VWA8: variants seen among roughly 807,000 people sequenced by gnomAD.
The protein encoded by VWA8 is von Willebrand factor A domain containing 8, also known as von Willebrand factor A domain-containing protein 8.
In VWA8, 221 loss-of-function variants were observed where a neutral mutation model predicts 241.5. The ratio of observed to expected loss-of-function variants is 0.91; its 90% confidence interval spans 0.82 to 1.02. The LOEUF is 1.02. VWA8 is among the 50% of genes least tolerant of loss of function. The probability of loss-of-function intolerance (pLI) is 0.00; values close to 1 mark genes in which losing one functional copy is unlikely to be tolerated. For synonymous variants in VWA8, 852 were observed against 827.1 expected, an observed-to-expected ratio of 1.03 and a Z score of -0.52; for missense variants, 2,322 against 2,328.7, an observed-to-expected ratio of 1.00 and a Z score of 0.06.
At chr13:41,811,395 C>A in intron 16 of VWA8, 55 bp from the exon 17 acceptor site, 1 of 1,401,928 alleles carries the variant, frequency 7.1e-7, no homozygotes, top group Non-Finnish European at 1.0e-6. Flanking sequence ...TGCTAAAGTC[C>A]CTTTAGATGG....
At chr13:41,661,975 G>T (rs1262625840) in intron 37 of VWA8, among the ~76,000 whole-genome samples, 1 of 151,998 alleles carries the variant, frequency 6.6e-6, no homozygotes, top group Non-Finnish European at 1.5e-5. Context: ...GTCTAATTTT[G>T]GACAGTCTAT....
At chr13:41,590,389 C>T (rs919504918) in intron 41 of VWA8, among the ~76,000 whole-genome samples, 5 of 152,054 alleles carry the variant, frequency 3.3e-5, no homozygotes, top group South Asian at 2.1e-4. Context: ...AGTCTTTGTA[C>T]TGACTGTTTC....
rs1171787775 is a variant in VWA8, at chr13:41,881,382, G to C, written c.1080+2005C>G. 2.4e-4 allele frequency among the ~76,000 whole-genome samples: 14 copies of C among 57,264 alleles called. 1 individual carries two copies. The highest frequency in any genetic ancestry group is 7.9e-4 in the South Asian group (1 of 1,260). 37.6% of individuals were successfully genotyped at this position (57,264 alleles called of 152,430 possible). Reference sequence around the variant, plus strand: ...ATAGTTTTTTTTTGCCGGGGGGGGGGGGGGGGGGGTAAGGTCACAGATCAA... The same window carrying C: ...ATAGTTTTTTTTTGCCGGGGGGGGGCGGGGGGGGGTAAGGTCACAGATCAA... On this transcript the variant is annotated intron_variant, in intron 9 of 44. Coordinates refer to ENST00000379310, the MANE Select transcript of VWA8 (RefSeq NM_015058.2).
rs780827689 is a variant in VWA8 at position 41,699,057 on chromosome 13, C to G, written c.3564+14G>C. 23 of 1,613,666 alleles carry G rather than the reference C, an allele frequency of 1.4e-5. No individual in the cohort carries two copies. Among genetic ancestry groups the G allele is most frequent in the East Asian group, 2.2e-5 (1 of 44,884 alleles). On this transcript the variant is annotated intron_variant, in intron 29 of 44. Transcript: ENST00000379310. ...AAGTCATTCCTCACATAATTGTAGC[C>G]TGGTGTGCATTACCTGCTGCTCATG...
Position 41,926,613 on chromosome 13 carries a change from C to A in VWA8, c.242-14445G>T. ...ACCTGCGAGTTCTATATGGCCTATG[C>A]AGACTACCACAATCTCTTGGAAATC... is the stretch of plus-strand genomic sequence containing the variant. On this transcript the variant is annotated intron_variant, in intron 2 of 44. Transcript: ENST00000379310. 5.5e-6 allele frequency: 3 copies of A among 546,030 alleles called. No individual in the cohort carries two copies. The Admixed American group carries it at 5.8e-5, about 11-fold the overall frequency. The allele number at this position is 546,030 out of a possible 1,614,324, so 33.8% of individuals were successfully genotyped here.
At chr13:41,822,482 G>T (rs2026893) in intron 14 of VWA8, among the ~76,000 whole-genome samples, 6,630 of 152,168 alleles carry the variant, frequency 0.044, 170 homozygotes, top group East Asian at 0.12. Flanking sequence ...ATCACCCAGG[G>T]TCTAGTGTAA....
At chr13:41,590,270 T>C (rs953489721) in intron 41 of VWA8, among the ~76,000 whole-genome samples, 2 of 152,186 alleles carry the variant, frequency 1.3e-5, no homozygotes, top group African/African-American at 4.8e-5. Flanking sequence ...TGCTGTCTCA[T>C]TCTGCCCTTT....
In VWA8 at chr13:41,960,993, A is replaced by T; in HGVS notation, c.23T>A (p.Leu8His). Residue 8 changes from leucine (L) to histidine (H), a missense_variant, in exon 1 of 45, where the codon CTC becomes CAC. Leu to His is a moderately conservative substitution (Grantham distance 99, BLOSUM62 -3). Coordinates refer to ENST00000379310, the MANE Select transcript of VWA8 (RefSeq NM_015058.2). ...GCCGCCGTGGCCTCCGGGTGCCCCG[A>T]GGAGTAGAAGCCGGGATTGCATGGC... MQSRLLL[L>H]GAPGGHGGPA... 1 of 1,387,854 alleles carries T rather than the reference A, an allele frequency of 7.2e-7. No individual in the cohort carries two copies. The highest frequency in any genetic ancestry group is 1.5e-5 in the African/African-American group (1 of 65,382). 86.0% of individuals were successfully genotyped at this position (1,387,854 alleles called of 1,614,324 possible).
chr13:41,623,111 A>C (rs1214693016), intron 37 of VWA8, among the ~76,000 whole-genome samples: 9 of 152,142 alleles, frequency 5.9e-5, no homozygotes, highest in African/African-American at 2.2e-4. Flanking sequence ...CCCAGGTAAA[A>C]GAAGAGATGG....
At chr13:41,573,610 C>CATATATATATATATAT (rs1239166610) in intron 43 of VWA8, among the ~76,000 whole-genome samples, 1,641 of 140,162 alleles carry the variant, frequency 0.012, 63 homozygotes, top group Admixed American at 0.049. Flanking sequence ...TATATATACG[C>CATATATATATATATAT]ATATATATGG....
At chr13:41,902,517 CAGAGATTT>C in intron 4 of VWA8, among the ~76,000 whole-genome samples, 1 of 152,256 alleles carries the variant, frequency 6.6e-6, no homozygotes, top group Non-Finnish European at 1.5e-5. Context: ...TCTATAACAA[CAGAGATTT>C]TTGGTTTATT....
In VWA8 at chr13:41,889,396, T is replaced by TC. The variant is rs1253869421; in HGVS notation, c.651+2023dup. 3.9e-5 allele frequency among the ~76,000 whole-genome samples: 6 copies of TC among 151,990 alleles called. No homozygotes were observed. In the East Asian group the frequency reaches 1.2e-3, roughly 29 times the overall value. On this transcript the variant is annotated intron_variant, in intron 5 of 44. Transcript: ENST00000379310. ...GTACTAAGCCTATTTTTTTTTTTTT[T>TC]CCGACAGAGTCTCGCTCCCTCACCC...
chr13:41,866,621 A>G (rs1873326753), intron 10 of VWA8, among the ~76,000 whole-genome samples: 1 of 152,104 alleles, frequency 6.6e-6, no homozygotes, highest in African/African-American at 2.4e-5. Context: ...CCTAAAATTA[A>G]AGTCCCACAT....
intron 21 of VWA8, among the ~76,000 whole-genome samples, chr13:41,733,629 T>A (rs898478408): frequency 6.6e-6 from 1 of 152,188 alleles, no homozygotes; most frequent in East Asian, 1.9e-4. Flanking sequence ...TCTTGAAAGA[T>A]CCCTTCCCTG....
intron 37 of VWA8, among the ~76,000 whole-genome samples, chr13:41,668,052 AC>A (rs2044997936): frequency 6.6e-6 from 1 of 152,248 alleles, no homozygotes; most frequent in South Asian, 2.1e-4. Context: ...AAAGCTAATA[AC>A]TCCAGAAGGC....
intron 9 of VWA8, among the ~76,000 whole-genome samples, chr13:41,874,650 A>G (rs1873811259): frequency 6.6e-6 from 1 of 152,146 alleles, no homozygotes; most frequent in South Asian, 2.1e-4. Flanking sequence ...TGAAATATAA[A>G]TCACATTGGA....
At chr13:41,575,691 C>G in intron 43 of VWA8, 49 bp downstream of exon 43, 5 of 1,406,878 alleles carry the variant, frequency 3.6e-6, no homozygotes, top group South Asian at 1.2e-5. Context: ...TAGTCTTTAC[C>G]TAACCTGATA....
chr13:41,885,458 G>A (rs1243628808), intron 8 of VWA8, among the ~76,000 whole-genome samples: 1 of 150,718 alleles, frequency 6.6e-6, no homozygotes, highest in Non-Finnish European at 1.5e-5. Flanking sequence ...TTTCTAAGAA[G>A]ACGATCCTTG....
intron 9 of VWA8, among the ~76,000 whole-genome samples, chr13:41,877,252 T>C (rs1041039011): frequency 2.0e-5 from 3 of 152,018 alleles, no homozygotes; most frequent in African/African-American, 7.2e-5. Context: ...CTCTCATATC[T>C]CCCTTAACCC....
Sources: gnomAD v4.1 joint callset for allele counts (sites outside exome capture counted in the v4.1 genomes callset) on GRCh38, gnomAD v4.1.1 for gene constraint, MANE v1.5 for transcripts, NCBI Gene and HGNC (gene_info 2026-07-23, HGNC 2026-07-21) for gene names.